The following AKAP11 variants were observed in gnomAD, a reference collection of about 807,000 sequenced individuals.
The protein encoded by AKAP11 is A-kinase anchor protein 11.
A neutral mutation model predicts 146.1 loss-of-function variants in AKAP11; 36 were observed. That is an observed-to-expected ratio of 0.25 (90% confidence interval 0.19 to 0.33). The LOEUF is 0.33. Ranked by LOEUF, AKAP11 falls within the 10% of genes least tolerant of loss-of-function variation. The probability of loss-of-function intolerance (pLI) is 1.00; values close to 1 mark genes in which losing one functional copy is unlikely to be tolerated. For missense variants in AKAP11, 2,201 were observed against 2,197.0 expected (o/e 1.00, Z -0.04); for synonymous variants, 780 against 786.5 (o/e 0.99, Z 0.14).
chr13:42,280,824 G>T (rs1959043592), intron 1 of AKAP11, among the ~76,000 whole-genome samples: 1 of 152,162 alleles, frequency 6.6e-6, no homozygotes, highest in Admixed American at 6.5e-5. Context: ...GGAAGAGAGA[G>T]GGTAGATTTG....
At chr13:42,308,376 C>T in intron 8 of AKAP11, 78 bp from the exon 9 acceptor site, 1 of 1,208,778 alleles carries the variant, frequency 8.3e-7, no homozygotes. Context: ...TCATCTTTGT[C>T]ATCAAATTGA....
chr13:42,314,275 T>C (rs1960707821), intron 11 of AKAP11, among the ~76,000 whole-genome samples: 1 of 152,016 alleles, frequency 6.6e-6, no homozygotes, highest in Non-Finnish European at 1.5e-5. Flanking sequence ...TGAAACCCCA[T>C]CTCTACTGAA....
intron 7 of AKAP11, 64 bp downstream of exon 7, chr13:42,298,861 T>G: frequency 6.8e-7 from 1 of 1,480,918 alleles, no homozygotes; most frequent in Non-Finnish European, 9.0e-7. Flanking sequence ...TTGAAAATTT[T>G]AAGGCAGGCT....
Position 42,292,478 on chromosome 13 carries a change from G to C in AKAP11, c.145G>C (p.Asp49His), listed in dbSNP as rs1219113711. ...SVTAEDCLQQ[D>H]EHANLTEVTF... is the part of the protein sequence containing the mutation. ...AACAGCAGAGGACTGTTTACAGCAG[G>C]ATGAGCATGCCAATTTAACTGAGGT... Residue 49 changes from aspartate (D) to histidine (H), a missense_variant, in exon 4 of 13, where the codon GAT (aspartate) becomes CAT (histidine). Around this residue, in one of 3 missense-constraint regions of AKAP11, gnomAD observed 331 missense variants for 347.4 expected, o/e 0.95. Transcript: ENST00000025301. 7 of 1,572,776 alleles carry C rather than the reference G, an allele frequency of 4.5e-6. No individual in the cohort carries two copies. The highest frequency in any genetic ancestry group is 5.2e-6 in the Non-Finnish European group (6 of 1,151,812).
intron 1 of AKAP11, among the ~76,000 whole-genome samples, chr13:42,277,249 T>C (rs1268387531): frequency 6.6e-6 from 1 of 152,244 alleles, no homozygotes; most frequent in African/African-American, 2.4e-5. Context: ...ATATATCCTT[T>C]ACAGTGATTT....
intron 4 of AKAP11, 21 bp downstream of exon 4, chr13:42,292,522 A>C (rs762550438): frequency 7.0e-7 from 1 of 1,425,396 alleles, no homozygotes; most frequent in South Asian, 1.4e-5. Flanking sequence ...CTACTTTCTA[A>C]ACCCTTTCCT....
chr13:42,275,996 C>T (rs1402494382), intron 1 of AKAP11, among the ~76,000 whole-genome samples: 2 of 152,162 alleles, frequency 1.3e-5, no homozygotes, highest in Admixed American at 6.5e-5. Flanking sequence ...TTCAGTGACA[C>T]TAAATTCTTC....
intron 8 of AKAP11, among the ~76,000 whole-genome samples, chr13:42,306,940 C>T (rs1342850179): frequency 6.6e-6 from 1 of 152,188 alleles, no homozygotes; most frequent in Non-Finnish European, 1.5e-5. Context: ...CCTGCCCTAG[C>T]CTCCCAAAGT....
Position 42,299,697 on chromosome 13 carries a change from T to A in AKAP11, c.951T>A (p.Val317=). The A allele has an allele frequency of 6.2e-7, 1 of 1,613,954 alleles. No individual in the cohort carries two copies. The highest frequency in any genetic ancestry group is 8.5e-7 in the Non-Finnish European group (1 of 1,179,892). The change falls in exon 8 of 13, where the codon GTT becomes GTA. Residue 317 remains valine (V), a synonymous_variant. Transcript: ENST00000025301. The part of the protein sequence containing the change: ...SESECSSPSP[V]IFLDEEGYQK... ...CAGAATGTTCAAGTCCAAGTCCTGT[T>A]ATTTTCTTGGATGAAGAGGGATATC... is the stretch of plus-strand genomic sequence containing the variant.
At position 42,278,163 on chromosome 13, in the gene AKAP11, C is replaced by G. The variant is rs145714928; in HGVS notation, c.-100+5935C>G. On this transcript the variant is annotated intron_variant, in intron 1 of 12. Coordinates refer to ENST00000025301, the MANE Select transcript of AKAP11 (RefSeq NM_016248.4). ...ATGCTGAGATTGAGAAACTCTGTAGCGGTAAGAACATATATATTGTGAATG... is the reference window on the plus strand; with the variant it reads ...ATGCTGAGATTGAGAAACTCTGTAGGGGTAAGAACATATATATTGTGAATG... Among the ~76,000 whole-genome samples the G allele has an allele frequency of 5.8e-3, 882 of 151,746 alleles. 5 individuals carry two copies. Among genetic ancestry groups the G allele is most frequent in the African/African-American group, 0.02 (825 of 41,322 alleles).
Position 42,300,263 on chromosome 13 carries a change from C to T in AKAP11, c.1517C>T (p.Thr506Ile). The T allele has an allele frequency of 1.2e-6, 2 of 1,613,756 alleles. No individual in the cohort carries two copies. The highest frequency in any genetic ancestry group is 1.7e-6 in the Non-Finnish European group (2 of 1,179,770). Residue 506 changes from threonine to isoleucine, a missense_variant, in exon 8 of 13, where the codon ACC becomes ATC. Thr to Ile is a moderately conservative substitution (Grantham distance 89, BLOSUM62 -1). Around this residue, in one of 3 missense-constraint regions of AKAP11, gnomAD observed 1,867 missense variants for 1,833.5 expected, o/e 1.02. Coordinates refer to ENST00000025301, the MANE Select transcript of AKAP11 (RefSeq NM_016248.4). Reference sequence around the variant, plus strand: ...GAAGTACTAGGCTCAGTTCTTCGTACCCACCATACTAATACCCTATCAAAT... The same window carrying T: ...GAAGTACTAGGCTCAGTTCTTCGTATCCACCATACTAATACCCTATCAAAT... Reference protein sequence around the residue: ...SCEVLGSVLRTHHTNTLSNIN... With the variant: ...SCEVLGSVLRIHHTNTLSNIN...
rs1217965275 is a variant in AKAP11, at chr13:42,299,780, T to C, written c.1034T>C (p.Ile345Thr). ...LPKIPVMKDD[I>T]EDSDSEVSEF... ...AAAATTCCTGTGATGAAAGATGATA[T>C]AGAGGATTCAGACTCAGAAGTAAGT... The change falls in exon 8 of 13, where the codon ATA (isoleucine) becomes ACA (threonine). Residue 345 changes from isoleucine (I) to threonine (T), a missense_variant. Around this residue, in one of 3 missense-constraint regions of AKAP11, gnomAD observed 1,867 missense variants for 1,833.5 expected, o/e 1.02. Transcript: ENST00000025301. 2 of 1,613,946 alleles carry C rather than the reference T, an allele frequency of 1.2e-6. No individual in the cohort carries two copies. Among genetic ancestry groups the C allele is most frequent in the East Asian group, 2.2e-5 (1 of 44,884 alleles).
intron 11 of AKAP11, among the ~76,000 whole-genome samples, chr13:42,316,036 C>T (rs1346125361): frequency 1.3e-5 from 2 of 152,082 alleles, no homozygotes; most frequent in Non-Finnish European, 2.9e-5. Flanking sequence ...CTTCTAGCCC[C>T]CTGAACTCCT....
In AKAP11 at chr13:42,300,750, T is replaced by C. The variant is rs757506573; in HGVS notation, c.2004T>C (p.Pro668=). Reference sequence around the variant, plus strand: ...TGGAGGTGTGTCAGTTTTCATATCCTCAAACGCCTGCATCTCCACAGTGTG... The same window carrying C: ...TGGAGGTGTGTCAGTTTTCATATCCCCAAACGCCTGCATCTCCACAGTGTG... ...GIMEVCQFSY[P]QTPASPQCGS... The change falls in exon 8 of 13, where the codon CCT becomes CCC. Residue 668 remains proline (P), a synonymous_variant. Transcript: ENST00000025301. 13 of 1,613,980 alleles carry C rather than the reference T, an allele frequency of 8.1e-6. No homozygotes were observed. Among genetic ancestry groups the C allele is most frequent in the Non-Finnish European group, 1.0e-5 (12 of 1,179,964 alleles).
At chr13:42,317,829 C>T in intron 12 of AKAP11, 141 bp downstream of exon 12, 1 of 901,852 alleles carries the variant, frequency 1.1e-6, no homozygotes, top group Non-Finnish European at 1.6e-6. Flanking sequence ...GACATCAGCT[C>T]TGCCACTTTC....
At position 42,303,635 on chromosome 13, in the gene AKAP11, C is replaced by G. The variant is rs1960091917; in HGVS notation, c.4889C>G (p.Ser1630Cys). Residue 1630 changes from serine to cysteine, a missense_variant, in exon 8 of 13, where the codon TCT becomes TGT. Coordinates refer to ENST00000025301, the MANE Select transcript of AKAP11 (RefSeq NM_016248.4). ...AAATTTAGCAGCCGCTATCAGAAAT[C>G]TAGGATTTTTCATCTCAGTGTCCCT... is the stretch of plus-strand genomic sequence containing the variant. ...NPKFSSRYQK[S>C]RIFHLSVPQI... is the part of the protein sequence containing the mutation. The G allele has an allele frequency of 6.2e-7, 1 of 1,614,048 alleles. No homozygotes were observed. The highest frequency in any genetic ancestry group is 1.3e-5 in the African/African-American group (1 of 74,918).
intron 4 of AKAP11, among the ~76,000 whole-genome samples, chr13:42,294,207 A>G (rs1248622953): frequency 2.0e-5 from 3 of 152,204 alleles, no homozygotes; most frequent in Non-Finnish European, 4.4e-5. Flanking sequence ...TTGTCCCCAC[A>G]TTCTTGAGAA....
In AKAP11 at chr13:42,306,017, A is replaced by G. The variant is rs1298343500; in HGVS notation, c.5117+2154A>G. On this transcript the variant is annotated intron_variant, in intron 8 of 12. Transcript: ENST00000025301. ...TGGAGGAAGCCGCCCTCATGATCCA[A>G]TCACCTCCCACCAGGTCCCTCCCTG... Among the ~76,000 whole-genome samples, 4 of 152,116 alleles carry G rather than the reference A, an allele frequency of 2.6e-5. No homozygotes were observed. In the East Asian group the frequency reaches 7.8e-4, roughly 29 times the overall value.
chr13:42,278,395 T>C (rs1269532839), intron 1 of AKAP11, among the ~76,000 whole-genome samples: 1 of 152,124 alleles, frequency 6.6e-6, no homozygotes, highest in Non-Finnish European at 1.5e-5. Flanking sequence ...GCTTCCTTAT[T>C]TGCAAAAAGG....
Sources: allele counts gnomAD v4.1 joint callset (sites outside exome capture counted in the v4.1 genomes callset), GRCh38; gene constraint gnomAD v4.1.1; regional missense constraint gnomAD v4.1.1; transcripts MANE v1.5; gene names NCBI Gene and HGNC (gene_info 2026-07-23, HGNC 2026-07-21).